The following GSTCD variants were observed in gnomAD, a reference collection of about 807,000 sequenced individuals.
GSTCD encodes the protein glutathione S-transferase C-terminal domain-containing protein.
A neutral mutation model predicts 68.3 loss-of-function variants in GSTCD; 44 were observed. That is an observed-to-expected ratio of 0.64 (90% CI 0.51 to 0.83). The LOEUF (loss-of-function observed/expected upper bound fraction) is 0.83, where lower values mean the gene tolerates loss of function less well. Ranked by LOEUF, GSTCD falls within the 40% of genes least tolerant of loss-of-function variation. GSTCD has a pLI of 0.00. For synonymous variants in GSTCD, 273 were observed against 255.2 expected, an observed-to-expected ratio of 1.07 and a Z score of -0.67; for missense variants, 739 against 735.9, an observed-to-expected ratio of 1.00 and a Z score of -0.05.
intron 5 of GSTCD, among the ~76,000 whole-genome samples, chr4:105,739,513 TTTA>T (rs1240163071): frequency 1.3e-5 from 2 of 152,206 alleles, no homozygotes; most frequent in African/African-American, 4.8e-5. Context: ...TGGGAGACTT[TTTA>T]TTACTAATTC....
intron 10 of GSTCD, among the ~76,000 whole-genome samples, chr4:105,841,095 C>G (rs1349469064): frequency 6.6e-6 from 1 of 152,116 alleles, no homozygotes; most frequent in African/African-American, 2.4e-5. Context: ...GCGGGCAGAT[C>G]ACAAGGTCAG....
chr4:105,710,232 ATT>A (rs761574598), intron 1 of GSTCD, among the ~76,000 whole-genome samples: 1 of 85,682 alleles, frequency 1.2e-5, no homozygotes, highest in African/African-American at 5.6e-5. Context: ...GGGCCCATCA[ATT>A]TTTTTTTTTT....
chr4:105,787,351 T>C (rs1735503266), intron 5 of GSTCD, among the ~76,000 whole-genome samples: 1 of 152,066 alleles, frequency 6.6e-6, no homozygotes, highest in Non-Finnish European at 1.5e-5. Flanking sequence ...GGACATGCTT[T>C]GGGTACTTAG....
At chr4:105,750,547 GA>G in intron 5 of GSTCD, among the ~76,000 whole-genome samples, 2 of 152,072 alleles carry the variant, frequency 1.3e-5, no homozygotes, top group South Asian at 4.2e-4. Flanking sequence ...TTGCTGGTAG[GA>G]ATTTAAAATG....
intron 8 of GSTCD, among the ~76,000 whole-genome samples, chr4:105,832,925 T>A (rs1723953266): frequency 6.6e-6 from 1 of 152,216 alleles, no homozygotes; most frequent in South Asian, 2.1e-4. Flanking sequence ...TACTTTCCCA[T>A]TCCCTGTAGT....
In GSTCD at chr4:105,745,756, A is replaced by G. The variant is rs370772038; in HGVS notation, c.1240+16257A>G. 2.2e-4 allele frequency among the ~76,000 whole-genome samples: 34 copies of G among 152,336 alleles called. No homozygotes were observed. The South Asian group carries it at 6.6e-3, about 30-fold the overall frequency. On this transcript the variant is annotated intron_variant, in intron 5 of 11. Transcript: ENST00000515279. ...AGGTTGCTACTAGCACATAATAACT[A>G]TATAAATCATGTAGGAGGGAAGATA...
At chr4:105,736,518 T>G (rs1016372805) in intron 5 of GSTCD, among the ~76,000 whole-genome samples, 1 of 152,096 alleles carries the variant, frequency 6.6e-6, no homozygotes, top group Non-Finnish European at 1.5e-5. Flanking sequence ...CAGTATGATA[T>G]TTTGATACAT....
intron 5 of GSTCD, among the ~76,000 whole-genome samples, chr4:105,816,010 TC>T (rs796873204): frequency 3.3e-5 from 5 of 152,246 alleles, no homozygotes; most frequent in African/African-American, 1.2e-4. Flanking sequence ...ATTTTTTTTT[TC>T]ATCTTAGAGA....
chr4:105,774,055 A>G (rs1347548448), intron 5 of GSTCD, among the ~76,000 whole-genome samples: 1 of 152,130 alleles, frequency 6.6e-6, no homozygotes, highest in Non-Finnish European at 1.5e-5. Flanking sequence ...TTGGGTGCAT[A>G]TATATTTAGG....
In GSTCD at chr4:105,717,993, T is replaced by C; in HGVS notation, c.380T>C (p.Leu127Ser). The C allele has an allele frequency of 6.2e-7, 1 of 1,612,676 alleles. No individual in the cohort carries two copies. The highest frequency in any genetic ancestry group is 8.5e-7 in the Non-Finnish European group (1 of 1,179,516). The part of the protein sequence containing the change: ...YEADPLKKEL[L>S]ELLGFKKTCL... ...GCAGACCCCTTAAAGAAGGAACTTT[T>C]GGAACTTCTGGGCTTTAAAAAGACT... The change falls in exon 2 of 12, where the codon TTG becomes TCG. Residue 127 changes from leucine to serine, a missense_variant. By Grantham distance (145) the Leu-to-Ser change is moderately radical. Transcript: ENST00000515279.
chr4:105,745,480 C>A (rs895806578), intron 5 of GSTCD, among the ~76,000 whole-genome samples: 2 of 152,084 alleles, frequency 1.3e-5, no homozygotes, highest in South Asian at 4.1e-4. Context: ...CCTCAAATAC[C>A]CATGTGATTT....
intron 5 of GSTCD, among the ~76,000 whole-genome samples, chr4:105,733,922 A>G (rs1182335332): frequency 6.6e-6 from 1 of 152,022 alleles, no homozygotes; most frequent in Non-Finnish European, 1.5e-5. Context: ...TCTGTAACGG[A>G]TTTTATTTCT....
At chr4:105,740,903 A>G (rs1395851292) in intron 5 of GSTCD, among the ~76,000 whole-genome samples, 3 of 150,882 alleles carry the variant, frequency 2.0e-5, no homozygotes, top group Non-Finnish European at 4.4e-5. Context: ...AATCCCCCCA[A>G]CTTTTTACCC....
At chr4:105,719,680 TAATA>T in intron 3 of GSTCD, 153 bp downstream of exon 3, 1 of 614,162 alleles carries the variant, frequency 1.6e-6, no homozygotes, top group Non-Finnish European at 2.9e-6. Flanking sequence ...ATGGTGATAA[TAATA>T]GTACCTATCT....
At chr4:105,729,092 C>T in intron 4 of GSTCD, among the ~76,000 whole-genome samples, 1 of 152,146 alleles carries the variant, frequency 6.6e-6, no homozygotes, top group East Asian at 1.9e-4. Flanking sequence ...TTTTCATCCT[C>T]AGCTGAACTT....
Position 105,720,367 on chromosome 4 carries a change from T to C in GSTCD, c.894+840T>C, listed in dbSNP as rs72671842. Among the ~76,000 whole-genome samples the C allele has an allele frequency of 5.1e-4, 78 of 152,314 alleles. 1 individual carries two copies. The highest frequency in any genetic ancestry group is 8.5e-4 in the Non-Finnish European group (58 of 68,018). On this transcript the variant is annotated intron_variant, in intron 3 of 11. Transcript: ENST00000515279. The stretch of plus-strand genomic sequence containing the variant: ...TTTTTTTCTTGGAAGCATTTCCCCC[T>C]TTTCCCTACTAAGGAATCAGATATT...
At chr4:105,841,024 C>G (rs1724310468) in intron 10 of GSTCD, among the ~76,000 whole-genome samples, 1 of 152,060 alleles carries the variant, frequency 6.6e-6, no homozygotes, top group South Asian at 2.1e-4. Context: ...GAATGAAAAG[C>G]CACTTAGCAG....
intron 5 of GSTCD, among the ~76,000 whole-genome samples, chr4:105,799,346 A>G (rs1190988822): frequency 6.6e-6 from 1 of 152,182 alleles, no homozygotes; most frequent in African/African-American, 2.4e-5. Flanking sequence ...CTTTGCATTC[A>G]TATCTTGGCT....
Position 105,715,252 on chromosome 4 carries a change from T to C in GSTCD, c.-21-2341T>C, listed in dbSNP as rs148771445. Among the ~76,000 whole-genome samples the C allele has an allele frequency of 3.9e-5, 6 of 152,278 alleles. No homozygotes were observed. The East Asian group carries it at 7.7e-4, about 20-fold the overall frequency. On this transcript the variant is annotated intron_variant, in intron 1 of 11. Transcript: ENST00000515279. ...TGACTGTTTTTAAGGACTTATAGCATAAAGGTGTTATATTAATAATGAAAA... is the reference window on the plus strand; with the variant it reads ...TGACTGTTTTTAAGGACTTATAGCACAAAGGTGTTATATTAATAATGAAAA...
Sources: allele counts gnomAD v4.1 joint callset (sites outside exome capture counted in the v4.1 genomes callset), GRCh38; gene constraint gnomAD v4.1.1; transcripts MANE v1.5; gene names NCBI Gene and HGNC (gene_info 2026-07-23, HGNC 2026-07-21).